LRRK2: variants seen among roughly 807,000 people sequenced by gnomAD.
LRRK2 encodes leucine rich repeat kinase 2.
Under a neutral mutation model 302.6 loss-of-function variants are expected in LRRK2, and 203 were observed. The observed-to-expected ratio is 0.67, with a 90% CI of 0.60 to 0.75. The LOEUF is 0.75. LRRK2 is among the 30% of genes least tolerant of loss of function. The probability of loss-of-function intolerance (pLI) is 0.00; values close to 1 mark genes in which losing one functional copy is unlikely to be tolerated. For synonymous variants in LRRK2, 1,066 were observed against 1,031.9 expected, an observed-to-expected ratio of 1.03 and a Z score of -0.63; for missense variants, 2,830 against 2,951.0, an observed-to-expected ratio of 0.96 and a Z score of 0.95.
chr12:40,263,991 T>A lies in LRRK2; in HGVS notation c.1656+90T>A, dbSNP rs987204480. The A allele has an allele frequency of 1.2e-5, 11 of 890,320 alleles. No individual in the cohort carries two copies. In the African/African-American group the frequency reaches 1.9e-4, roughly 15 times the overall value. The allele number at this position is 890,320 out of a possible 1,614,324, so 55.2% of individuals were successfully genotyped here. ...GGGCGCTTTTTCAGTCTAAGTTTTC[T>A]GTTCTCCGTTTGCTATGATAGGAGG... On this transcript the variant is annotated intron_variant, in intron 14 of 50. Transcript: ENST00000298910.
chr12:40,309,065 G>A (rs201616634), intron 29 of LRRK2, 41 bp from the exon 30 acceptor site: 114 of 1,607,616 alleles, frequency 7.1e-5, no homozygotes, highest in African/African-American at 9.4e-5. Flanking sequence ...CTTGCCTGTC[G>A]TTTGAAAGAT....
At chr12:40,326,146 C>A (rs1009777241) in intron 38 of LRRK2, among the ~76,000 whole-genome samples, 1 of 152,154 alleles carries the variant, frequency 6.6e-6, no homozygotes, top group African/African-American at 2.4e-5. Flanking sequence ...AGCGGCGATT[C>A]TCAAATAGAG....
intron 20 of LRRK2, among the ~76,000 whole-genome samples, chr12:40,292,536 G>A (rs1242431080): frequency 6.6e-6 from 1 of 151,386 alleles, no homozygotes; most frequent in Non-Finnish European, 1.5e-5. Context: ...TTATAATTAT[G>A]TAATTGTTAC....
At chr12:40,349,231 A>G (rs971750556) in intron 43 of LRRK2, among the ~76,000 whole-genome samples, 2 of 152,144 alleles carry the variant, frequency 1.3e-5, no homozygotes, top group African/African-American at 4.8e-5. Context: ...TAATGTGCAT[A>G]TCCACGTGTA....
At chr12:40,345,533 G>T (rs1389672297) in intron 41 of LRRK2, among the ~76,000 whole-genome samples, 1 of 135,646 alleles carries the variant, frequency 7.4e-6, no homozygotes, top group Non-Finnish European at 1.5e-5. Context: ...TGAGGCAGGA[G>T]AATCGCTTGA....
At chr12:40,225,432 A>G in intron 1 of LRRK2, 123 bp from the exon 2 acceptor site, 1 of 1,264,214 alleles carries the variant, frequency 7.9e-7, no homozygotes, top group Non-Finnish European at 1.1e-6. Context: ...TAGGGCAGAA[A>G]GCAGCTGAGA....
intron 38 of LRRK2, among the ~76,000 whole-genome samples, chr12:40,326,321 A>G (rs748976166): frequency 1.6e-4 from 25 of 151,928 alleles, no homozygotes; most frequent in South Asian, 8.3e-4. Context: ...AAAATTAGCC[A>G]GGCGTGGTGG....
At chr12:40,321,315 G>A (rs947551894) in intron 35 of LRRK2, 127 bp downstream of exon 35, 13 of 897,648 alleles carry the variant, frequency 1.4e-5, no homozygotes, top group Non-Finnish European at 2.0e-5. Flanking sequence ...TACTTGTTTG[G>A]AAGGCAGCTG....
rs1339029808 is a variant in LRRK2 at position 40,321,047 on chromosome 12, A to T, written c.5029A>T (p.Arg1677Trp). 3 of 1,612,578 alleles carry T rather than the reference A, an allele frequency of 1.9e-6. No homozygotes were observed. The highest frequency in any genetic ancestry group is 8.5e-7 in the Non-Finnish European group (1 of 1,178,906). Residue 1677 changes from arginine (R) to tryptophan (W), a missense_variant, in exon 35 of 51, where the codon AGG becomes TGG. Physicochemically the swap from Arg to Trp is moderately radical, Grantham distance 101. Coordinates refer to ENST00000298910, the MANE Select transcript of LRRK2 (RefSeq NM_198578.4). ...TTTTGCCTTTAGTTTGTCTGACCAC[A>T]GGCCTGTGATAGAGCTTCCCCATTG... ...LLVPSSLSDHRPVIELPHCEN... is the reference protein window; with the variant it reads ...LLVPSSLSDHWPVIELPHCEN...
chr12:40,295,431 A>G lies in LRRK2; in HGVS notation c.2883A>G (p.Ser961=), dbSNP rs199606289. ...KILSSDDSLR[S]SKLQSHMRHS... is the part of the protein sequence containing the mutation. ...TTTGTTTGTTTTTGACAAAAGGGTC[A>G]TCAAAACTTCAATCCCATATGAGGC... The change falls in exon 23 of 51, where the codon TCA becomes TCG. Residue 961 remains serine, a synonymous_variant. Transcript: ENST00000298910. The G allele has an allele frequency of 1.9e-6, 3 of 1,612,148 alleles. No homozygotes were observed. Among genetic ancestry groups the G allele is most frequent in the Non-Finnish European group, 2.5e-6 (3 of 1,179,760 alleles).
intron 31 of LRRK2, among the ~76,000 whole-genome samples, chr12:40,313,303 A>T (rs997427976): frequency 3.3e-5 from 5 of 151,966 alleles, no homozygotes; most frequent in African/African-American, 1.2e-4. Flanking sequence ...GCCATTCTTT[A>T]AAAAAATCTT....
At chr12:40,335,243 C>A in intron 40 of LRRK2, 86 bp downstream of exon 40, 1 of 1,335,762 alleles carries the variant, frequency 7.5e-7, no homozygotes, top group Non-Finnish European at 1.1e-6. Context: ...TTCCCAGTAA[C>A]ACTGTGCCCC....
intron 37 of LRRK2, 55 bp from the exon 38 acceptor site, chr12:40,323,105 T>C: frequency 6.7e-7 from 1 of 1,497,866 alleles, no homozygotes; most frequent in South Asian, 1.2e-5. Flanking sequence ...AACCACAAAT[T>C]TATGTATCTC....
At chr12:40,268,596 A>G in intron 14 of LRRK2, among the ~76,000 whole-genome samples, 1 of 152,150 alleles carries the variant, frequency 6.6e-6, no homozygotes, top group Non-Finnish European at 1.5e-5. Context: ...ATGTTTATGA[A>G]CCATTAGTAA....
At chr12:40,347,264 A>G (rs1173170470) in intron 42 of LRRK2, among the ~76,000 whole-genome samples, 1 of 152,168 alleles carries the variant, frequency 6.6e-6, no homozygotes, top group Non-Finnish European at 1.5e-5. Context: ...GTTTTCTTGG[A>G]GTGAAATAAT....
intron 12 of LRRK2, among the ~76,000 whole-genome samples, chr12:40,258,851 A>T (rs986956615): frequency 1.3e-5 from 2 of 152,194 alleles, no homozygotes; most frequent in African/African-American, 4.8e-5. Context: ...TCTGATATGC[A>T]CAAGTTTCAG....
At chr12:40,345,749 G>A (rs751975431) in intron 41 of LRRK2, among the ~76,000 whole-genome samples, 3 of 151,088 alleles carry the variant, frequency 2.0e-5, no homozygotes, top group East Asian at 1.9e-4. Context: ...CTCTCTTTGC[G>A]TATGAATGAA....
chr12:40,261,334 T>C (rs1592179367), intron 13 of LRRK2, among the ~76,000 whole-genome samples: 1 of 152,152 alleles, frequency 6.6e-6, no homozygotes, highest in African/African-American at 2.4e-5. Context: ...AAAATAATAC[T>C]CTTTTAGTCC....
At chr12:40,336,921 A>AT (rs1208909992) in intron 40 of LRRK2, among the ~76,000 whole-genome samples, 4 of 152,162 alleles carry the variant, frequency 2.6e-5, no homozygotes, top group Non-Finnish European at 4.4e-5. Flanking sequence ...AAGAATTGCT[A>AT]TTTTTTAACA....
Sources: allele counts gnomAD v4.1 joint callset (sites outside exome capture counted in the v4.1 genomes callset), GRCh38; gene constraint gnomAD v4.1.1; transcripts MANE v1.5; gene names NCBI Gene and HGNC (gene_info 2026-07-23, HGNC 2026-07-21).